Variants in KCND3 observed in about 807,000 individuals in gnomAD.
KCND3 encodes the protein A-type voltage-gated potassium channel KCND3.
In KCND3, 9 loss-of-function variants were observed where a neutral mutation model predicts 51.1. That is an observed-to-expected ratio of 0.18 (90% CI 0.11 to 0.31). The LOEUF (loss-of-function observed/expected upper bound fraction) is 0.31, where lower values mean the gene tolerates loss of function less well. KCND3 is among the 10% of genes least tolerant of loss of function. The pLI, the probability that KCND3 is intolerant of heterozygous loss-of-function variation, is 1.00. For synonymous variants in KCND3, 349 were observed against 368.0 expected (o/e 0.95, Z 0.59); for missense variants, 526 against 903.8 (o/e 0.58, Z 5.36).
At chr1:111,940,683 C>T (rs1386021716) in intron 2 of KCND3, among the ~76,000 whole-genome samples, 3 of 152,122 alleles carry the variant, frequency 2.0e-5, no homozygotes, top group African/African-American at 7.2e-5. Flanking sequence ...TCTTTCATAC[C>T]ATTTACCACA....
chr1:111,836,196 T>C (rs1238052520), intron 2 of KCND3, among the ~76,000 whole-genome samples: 1 of 152,196 alleles, frequency 6.6e-6, no homozygotes, highest in Non-Finnish European at 1.5e-5. Flanking sequence ...TCAACATGAA[T>C]CCTGAAGAAC....
chr1:111,985,903 T>G (rs550938249), intron 1 of KCND3, among the ~76,000 whole-genome samples: 1 of 152,252 alleles, frequency 6.6e-6, no homozygotes, highest in East Asian at 1.9e-4. Context: ...ACAGGCCTGA[T>G]GAGCTGATTA....
At chr1:111,793,266 C>T (rs1202866893) in intron 2 of KCND3, among the ~76,000 whole-genome samples, 1 of 151,220 alleles carries the variant, frequency 6.6e-6, no homozygotes, top group Non-Finnish European at 1.5e-5. Context: ...ACCTCTGCCT[C>T]CTGGGTTCAT....
At chr1:111,829,041 T>C (rs1336560657) in intron 2 of KCND3, among the ~76,000 whole-genome samples, 1 of 152,214 alleles carries the variant, frequency 6.6e-6, no homozygotes, top group Non-Finnish European at 1.5e-5. Flanking sequence ...ACAAAGACAA[T>C]TCAATCTATT....
At chr1:111,872,450 T>C (rs1668867669) in intron 2 of KCND3, among the ~76,000 whole-genome samples, 1 of 152,264 alleles carries the variant, frequency 6.6e-6, no homozygotes, top group Non-Finnish European at 1.5e-5. Flanking sequence ...AACCTTTTTA[T>C]CATTAACATT....
intron 3 of KCND3, 68 bp downstream of exon 3, chr1:111,786,876 C>T: frequency 3.8e-6 from 6 of 1,586,894 alleles, no homozygotes; most frequent in Non-Finnish European, 5.2e-6. Context: ...AGCTCTAGTC[C>T]TGGCTCCCTG....
intron 2 of KCND3, among the ~76,000 whole-genome samples, chr1:111,812,836 T>A (rs1396034059): frequency 6.6e-6 from 1 of 152,232 alleles, no homozygotes; most frequent in Non-Finnish European, 1.5e-5. Context: ...CAGTCCCTGC[T>A]GCACACACTA....
At chr1:111,938,741 G>A (rs374419842) in intron 2 of KCND3, among the ~76,000 whole-genome samples, 1 of 152,190 alleles carries the variant, frequency 6.6e-6, no homozygotes, top group South Asian at 2.1e-4. Context: ...CAGGGAGGCC[G>A]CCAGGACTGC....
intron 2 of KCND3, among the ~76,000 whole-genome samples, chr1:111,873,128 A>G (rs996305823): frequency 2.0e-5 from 3 of 152,206 alleles, no homozygotes; most frequent in Non-Finnish European, 4.4e-5. Context: ...GAGAATGCTG[A>G]TCCAGTCCTG....
intron 2 of KCND3, among the ~76,000 whole-genome samples, chr1:111,939,078 G>A (rs574491333): frequency 2.2e-4 from 34 of 152,312 alleles, no homozygotes; most frequent in Admixed American, 5.2e-4. Flanking sequence ...CACTCAGACC[G>A]TCTGAATCTG....
chr1:111,799,569 A>G (rs1665201127), intron 2 of KCND3, among the ~76,000 whole-genome samples: 1 of 152,210 alleles, frequency 6.6e-6, no homozygotes, highest in Non-Finnish European at 1.5e-5. Context: ...TTGGCCCAAG[A>G]AGTTCTTGTA....
rs1290446045 is a variant in KCND3 at position 111,780,774 on chromosome 1, C to T, written c.1287G>A (p.Arg429=). ...AACTGCCTGTTTTGGCCACACGGAT[C>T]CTGGCAAGGCGGGCCTTCTGTGATT... ...RRAQKKARLA[R]IRVAKTGSSN... The change falls in exon 4 of 8, where the codon AGG becomes AGA. Residue 429 remains arginine (R), a synonymous_variant. Coordinates refer to ENST00000302127, the MANE Select transcript of KCND3 (RefSeq NM_001378969.1). The surrounding 1 kb of genome is among the most constrained non-coding windows in gnomAD (Gnocchi z 4.2). 6 of 1,613,166 alleles carry T rather than the reference C, an allele frequency of 3.7e-6. No homozygotes were observed. Among genetic ancestry groups the T allele is most frequent in the Middle Eastern group, 1.7e-4 (1 of 6,058 alleles).
chr1:111,780,537 T>C lies in KCND3; in HGVS notation c.1371+153A>G, dbSNP rs879025782. On this transcript the variant is annotated intron_variant, in intron 4 of 7. Transcript: ENST00000302127. The surrounding 1 kb of genome is among the most constrained non-coding windows in gnomAD (Gnocchi z 4.2). ...GTGATAATCCTATGGAAGTGGTGTG[T>C]GAATGGGGGGCTGCTACCTGGGGAA... Among the ~76,000 whole-genome samples the C allele has an allele frequency of 2.0e-5, 3 of 152,030 alleles. No individual in the cohort carries two copies. In the South Asian group the frequency reaches 6.2e-4, roughly 32 times the overall value.
chr1:111,984,047 A>T (rs1675124538), intron 1 of KCND3, among the ~76,000 whole-genome samples: 1 of 152,250 alleles, frequency 6.6e-6, no homozygotes, highest in Non-Finnish European at 1.5e-5. Context: ...ACTCATCTCC[A>T]CTAATCCTAA....
At chr1:111,842,050 A>G (rs911197342) in intron 2 of KCND3, among the ~76,000 whole-genome samples, 3 of 152,094 alleles carry the variant, frequency 2.0e-5, no homozygotes, top group Non-Finnish European at 4.4e-5. Context: ...CATGTCCTGG[A>G]GAGAGGGAAG....
intron 2 of KCND3, among the ~76,000 whole-genome samples, chr1:111,820,911 C>T (rs771786726): frequency 3.3e-5 from 5 of 152,164 alleles, no homozygotes; most frequent in Admixed American, 1.3e-4. Context: ...ATGCCAGCAA[C>T]GACCAGAAGA....
chr1:111,775,994 A>G lies in KCND3; in HGVS notation c.*83T>C. On this transcript the variant is annotated 3_prime_UTR_variant, in exon 8 of 8. Coordinates refer to ENST00000302127, the MANE Select transcript of KCND3 (RefSeq NM_001378969.1). ...GGCAGAAATAGTGGGGAAAGGGGGG[A>G]GGGAGTGGTCTCAGTGACCACCCAC... 3 of 1,369,904 alleles carry G rather than the reference A, an allele frequency of 2.2e-6. No individual in the cohort carries two copies. Among genetic ancestry groups the G allele is most frequent in the Non-Finnish European group, 3.1e-6 (3 of 960,178 alleles). The allele number at this position is 1,369,904 out of a possible 1,614,324, so 84.9% of individuals were successfully genotyped here.
At chr1:111,830,497 G>A (rs1000894680) in intron 2 of KCND3, among the ~76,000 whole-genome samples, 2 of 152,190 alleles carry the variant, frequency 1.3e-5, no homozygotes, top group African/African-American at 4.8e-5. Flanking sequence ...CAGGGCCCTT[G>A]AGTGCAAAAT....
intron 2 of KCND3, among the ~76,000 whole-genome samples, chr1:111,852,668 C>G (rs1254563268): frequency 1.3e-5 from 2 of 152,172 alleles, no homozygotes; most frequent in African/African-American, 4.8e-5. Flanking sequence ...GGAGAGCATT[C>G]TCTGGGATGC....
Sources: gnomAD v4.1 joint callset for allele counts (sites outside exome capture counted in the v4.1 genomes callset) on GRCh38, gnomAD v4.1.1 for gene constraint, Gnocchi (gnomAD v3.1) non-coding constraint, MANE v1.5 for transcripts, NCBI Gene and HGNC (gene_info 2026-07-23, HGNC 2026-07-21) for gene names.